Variants in EYS observed in about 807,000 individuals in gnomAD.
The protein encoded by EYS is protein eyes shut homolog.
EYS carries 250 observed loss-of-function variants against 282.1 expected under a neutral mutation model. That is an observed-to-expected ratio of 0.89 (90% confidence interval 0.80 to 0.98). EYS has a LOEUF of 0.98. Ranked by LOEUF, EYS falls within the 50% of genes least tolerant of loss-of-function variation. The pLI is 0.00. For missense variants in EYS, 4,016 were observed against 3,709.0 expected (o/e 1.08, Z -2.15); for synonymous variants, 1,355 against 1,282.9 (o/e 1.06, Z -1.20).
At chr6:63,999,655 A>G (rs886887769) in intron 33 of EYS, among the ~76,000 whole-genome samples, 23 of 152,204 alleles carry the variant, frequency 1.5e-4, no homozygotes, top group African/African-American at 5.3e-4. Flanking sequence ...ACCCCTGAGC[A>G]GAGAGATTAC....
intron 33 of EYS, among the ~76,000 whole-genome samples, chr6:64,025,979 G>C (rs1769485607): frequency 1.3e-5 from 2 of 152,192 alleles, no homozygotes; most frequent in Non-Finnish European, 2.9e-5. Context: ...TGTGGTCTAG[G>C]GGACAGGCAA....
chr6:64,177,262 C>G (rs774387601), intron 31 of EYS, among the ~76,000 whole-genome samples: 1 of 151,320 alleles, frequency 6.6e-6, no homozygotes, highest in Admixed American at 6.6e-5. Context: ...TATTTTCTTT[C>G]TGTGTTTTTT....
At chr6:64,903,110 T>C (rs1165024176) in intron 16 of EYS, among the ~76,000 whole-genome samples, 1 of 152,098 alleles carries the variant, frequency 6.6e-6, no homozygotes, top group Admixed American at 6.5e-5. Context: ...CTGCATGATA[T>C]CACTTTTTAA....
chr6:63,761,498 A>T (rs1472455285), intron 41 of EYS, among the ~76,000 whole-genome samples: 1 of 152,108 alleles, frequency 6.6e-6, no homozygotes, highest in African/African-American at 2.4e-5. Flanking sequence ...ATCAAGGAAT[A>T]TAGGAATAAA....
At chr6:63,805,007 G>A (rs1272835072) in intron 37 of EYS, among the ~76,000 whole-genome samples, 2 of 152,126 alleles carry the variant, frequency 1.3e-5, no homozygotes, top group Non-Finnish European at 2.9e-5. Context: ...TTCATTTGGG[G>A]TGTAGGCTCC....
chr6:65,198,356 G>C (rs776924016), intron 12 of EYS, among the ~76,000 whole-genome samples: 2 of 152,060 alleles, frequency 1.3e-5, no homozygotes, highest in South Asian at 2.1e-4. Flanking sequence ...TAACTAGAAA[G>C]AATATACTCT....
chr6:65,558,061 C>T (rs7767609), intron 2 of EYS, among the ~76,000 whole-genome samples: 15,717 of 152,206 alleles, frequency 0.1, 976 homozygotes, highest in South Asian at 0.19. Flanking sequence ...GGCATCCGAG[C>T]CCCCAGGCTT....
intron 12 of EYS, among the ~76,000 whole-genome samples, chr6:65,078,069 T>C (rs1240182247): frequency 6.6e-6 from 1 of 152,108 alleles, no homozygotes; most frequent in African/African-American, 2.4e-5. Context: ...TGAACCATAA[T>C]TGATTTCCTC....
At chr6:64,172,444 T>G (rs958081597) in intron 31 of EYS, among the ~76,000 whole-genome samples, 3 of 152,152 alleles carry the variant, frequency 2.0e-5, no homozygotes, top group Non-Finnish European at 4.4e-5. Context: ...CAATTTTAGT[T>G]ACCACGCGTG....
chr6:65,657,387 A>G (rs997049712), intron 1 of EYS, among the ~76,000 whole-genome samples: 1 of 151,906 alleles, frequency 6.6e-6, no homozygotes. Context: ...TCCATTAAGA[A>G]CATTAGTGTT....
chr6:64,394,263 C>T lies in EYS; in HGVS notation c.5928-5423G>A, dbSNP rs1582695821. 2.0e-5 allele frequency among the ~76,000 whole-genome samples: 3 copies of T among 152,166 alleles called. No individual in the cohort carries two copies. In the South Asian group the frequency reaches 6.2e-4, roughly 32 times the overall value. On this transcript the variant is annotated intron_variant, in intron 28 of 42. Transcript: ENST00000503581. ...ATCAAGCTACCAATGCCTTTCTTCA[C>T]AGAATTGGAAAAAACTACTTTAAAA...
intron 2 of EYS, among the ~76,000 whole-genome samples, chr6:65,517,969 G>T (rs1183973661): frequency 6.6e-6 from 1 of 151,928 alleles, no homozygotes; most frequent in African/African-American, 2.4e-5. Context: ...TAAACAAAAA[G>T]CTAAGGATAA....
intron 22 of EYS, among the ~76,000 whole-genome samples, chr6:64,654,269 C>G (rs999801794): frequency 4.5e-4 from 68 of 152,266 alleles, no homozygotes; most frequent in African/African-American, 1.6e-3. Context: ...AATGATACCT[C>G]TCACTTTTAC....
rs1225588328 is a variant in EYS at position 65,353,518 on chromosome 6, C to G, written c.1399G>C (p.Gly467Arg). 2 of 1,613,024 alleles carry G rather than the reference C, an allele frequency of 1.2e-6. No homozygotes were observed. The highest frequency in any genetic ancestry group is 1.7e-6 in the Non-Finnish European group (2 of 1,179,370). Residue 467 changes from glycine to arginine, a missense_variant, in exon 9 of 43, where the codon GGT (glycine) becomes CGT (arginine). Transcript: ENST00000503581. The stretch of plus-strand genomic sequence containing the variant: ...GCAGGACCTTTATCTTGGCAAATAC[C>G]ATGGAAGGTGACTCCACAGTAGCAG... ...HLCYCGVTFH[G>R]ICQDKGPAQF...
Position 63,721,537 on chromosome 6 carries a change from C to G in EYS, c.8494G>C (p.Val2832Leu), listed in dbSNP as rs1409670524. Reference sequence around the variant, plus strand: ...TCATTTTCTATTGCCATGGGATTTACAAGATTTAAAGAAGATACTCCTCCA... The same window carrying G: ...TCATTTTCTATTGCCATGGGATTTAGAAGATTTAAAGAAGATACTCCTCCA... ...YIGGVSSLNL[V>L]NPMAIENEPV... Residue 2832 changes from valine to leucine, a missense_variant, in exon 43 of 43, where the codon GTA (valine) becomes CTA (leucine). Val to Leu is a conservative substitution (Grantham distance 32). Coordinates refer to ENST00000503581, the MANE Select transcript of EYS (RefSeq NM_001142800.2). 2 of 1,551,604 alleles carry G rather than the reference C, an allele frequency of 1.3e-6. No homozygotes were observed. The highest frequency in any genetic ancestry group is 1.7e-6 in the Non-Finnish European group (2 of 1,146,794).
intron 41 of EYS, chr6:63,745,137 C>G: frequency 3.0e-6 from 1 of 328,896 alleles, no homozygotes; most frequent in South Asian, 2.4e-5. Flanking sequence ...GCCAAATCTG[C>G]TAAATCCAAA....
At chr6:64,126,814 T>C (rs1773801664) in intron 31 of EYS, among the ~76,000 whole-genome samples, 1 of 151,568 alleles carries the variant, frequency 6.6e-6, no homozygotes, top group Non-Finnish European at 1.5e-5. Flanking sequence ...TAAAAATATA[T>C]ATACACATAT....
chr6:63,938,485 C>G (rs116006271), intron 35 of EYS, among the ~76,000 whole-genome samples: 2,087 of 152,290 alleles, frequency 0.014, 17 homozygotes, highest in Non-Finnish European at 0.022. Context: ...ATCCAGGCAG[C>G]CCAGTTAGCC....
chr6:64,870,692 G>A (rs1766569615), intron 19 of EYS, among the ~76,000 whole-genome samples: 1 of 151,688 alleles, frequency 6.6e-6, no homozygotes, highest in African/African-American at 2.4e-5. Context: ...TGTGGAGAAT[G>A]TAAAGAAACT....
Sources: allele counts gnomAD v4.1 joint callset (sites outside exome capture counted in the v4.1 genomes callset), GRCh38; gene constraint gnomAD v4.1.1; transcripts MANE v1.5; gene names NCBI Gene and HGNC (gene_info 2026-07-23, HGNC 2026-07-21).